The following SEPHS1 variants were observed in gnomAD, a reference collection of about 807,000 sequenced individuals.
SEPHS1 encodes zincore component SEPHS1.
Under a neutral mutation model 39.2 loss-of-function variants are expected in SEPHS1, and 7 were observed. The ratio of observed to expected loss-of-function variants is 0.18; its 90% CI spans 0.10 to 0.34. SEPHS1 has a LOEUF of 0.34. Ranked by LOEUF, SEPHS1 falls within the 10% of genes least tolerant of loss-of-function variation. The pLI, the probability that SEPHS1 is intolerant of heterozygous loss-of-function variation, is 1.00. For synonymous variants in SEPHS1, 190 were observed against 195.5 expected (o/e 0.97, Z 0.23); for missense variants, 253 against 514.5 (o/e 0.49, Z 4.92).
At chr10:13,328,906 A>T (rs562822361) in intron 6 of SEPHS1, among the ~76,000 whole-genome samples, 15 of 152,280 alleles carry the variant, frequency 9.9e-5, no homozygotes, top group Non-Finnish European at 1.5e-4. Context: ...CAGGGGGAGG[A>T]GGGAAAAACT....
chr10:13,347,669 C>T (rs998907194), intron 1 of SEPHS1, among the ~76,000 whole-genome samples: 1 of 146,698 alleles, frequency 6.8e-6, no homozygotes, highest in Non-Finnish European at 1.5e-5. Flanking sequence ...GCACGGGCCG[C>T]CGCCGCCGCC....
chr10:13,346,142 A>G (rs1299222583), intron 1 of SEPHS1, among the ~76,000 whole-genome samples: 1 of 152,240 alleles, frequency 6.6e-6, no homozygotes, highest in East Asian at 1.9e-4. Flanking sequence ...AAATTAAGCC[A>G]TACTAAATCA....
In SEPHS1 at chr10:13,325,933, AGAGACTCAGTCTC is replaced by A. The variant is rs373709328; in HGVS notation, c.751+2405_751+2417del. ...AAAAAAAAAAAAAAAAAAAAAAAAA[AGAGACTCAGTCTC>A]AAAAAAAAAAAAAAAAAATAATAAT... is the stretch of plus-strand genomic sequence containing the variant. On this transcript the variant is annotated intron_variant, in intron 7 of 8. Coordinates refer to ENST00000327347, the MANE Select transcript of SEPHS1 (RefSeq NM_012247.5). Among the ~76,000 whole-genome samples, 225 of 54,448 alleles carry A rather than the reference AGAGACTCAGTCTC, an allele frequency of 4.1e-3. 4 individuals carry two copies. The highest frequency in any genetic ancestry group is 0.021 in the African/African-American group (133 of 6,334). 35.7% of individuals were successfully genotyped at this position (54,448 alleles called of 152,430 possible). A position where few individuals can be genotyped will look rare whatever the true frequency, so the allele number is the denominator to read the frequency against.
chr10:13,343,611 C>T (rs1311571412), intron 2 of SEPHS1, among the ~76,000 whole-genome samples: 2 of 152,002 alleles, frequency 1.3e-5, no homozygotes, highest in African/African-American at 4.8e-5. Flanking sequence ...GTCAGGAGTT[C>T]GAGAACAGCC....
At chr10:13,331,784 A>T (rs181432966) in intron 5 of SEPHS1, among the ~76,000 whole-genome samples, 5 of 152,396 alleles carry the variant, frequency 3.3e-5, no homozygotes, top group African/African-American at 1.2e-4. Flanking sequence ...TAGTAAGCAC[A>T]TGAAAAGATG....
intron 5 of SEPHS1, among the ~76,000 whole-genome samples, chr10:13,332,989 C>T (rs934248566): frequency 6.6e-6 from 1 of 152,024 alleles, no homozygotes; most frequent in African/African-American, 2.4e-5. Flanking sequence ...CAGTGAGAGC[C>T]GAGGAGGATG....
In SEPHS1 at chr10:13,338,696, C is replaced by G; in HGVS notation, c.297+9G>C. The G allele has an allele frequency of 6.2e-7, 1 of 1,607,458 alleles. No individual in the cohort carries two copies. Among genetic ancestry groups the G allele is most frequent in the Non-Finnish European group, 8.5e-7 (1 of 1,173,930 alleles). On this transcript the variant is annotated intron_variant, in intron 3 of 8. Transcript: ENST00000327347. ...TTCCAGTCACAAAAACACATCGGCTCACGCTTACCATCATGTAAGGGTCGT... is the reference window on the plus strand; with the variant it reads ...TTCCAGTCACAAAAACACATCGGCTGACGCTTACCATCATGTAAGGGTCGT...
chr10:13,337,474 C>G (rs895444109), intron 3 of SEPHS1, among the ~76,000 whole-genome samples: 7 of 152,170 alleles, frequency 4.6e-5, no homozygotes, highest in African/African-American at 1.7e-4. Context: ...TAAGGATAAT[C>G]AAACTCCCAA....
At chr10:13,338,912 A>G (rs1445946724) in intron 2 of SEPHS1, 104 bp from the exon 3 acceptor site, 2 of 837,954 alleles carry the variant, frequency 2.4e-6, no homozygotes, top group Non-Finnish European at 2.1e-6. Flanking sequence ...ATACTTATGG[A>G]AACTGCAGGC....
chr10:13,319,124 C>T lies in SEPHS1; in HGVS notation c.*18G>A, dbSNP rs1343533954. On this transcript the variant is annotated 3_prime_UTR_variant, in exon 9 of 9. Transcript: ENST00000327347. ...AGATCTATTTAAAAACAAAACCAAA[C>T]AGCTATTTCTGTCTAGATTAAGAGG... 15 of 1,606,568 alleles carry T rather than the reference C, an allele frequency of 9.3e-6. No homozygotes were observed. The highest frequency in any genetic ancestry group is 1.3e-5 in the Non-Finnish European group (15 of 1,176,560).
chr10:13,346,663 C>T (rs530489043), intron 1 of SEPHS1, among the ~76,000 whole-genome samples: 1 of 151,864 alleles, frequency 6.6e-6, no homozygotes, highest in Non-Finnish European at 1.5e-5. Context: ...ACAAAAACAA[C>T]AAAGTCCTTT....
At chr10:13,322,342 C>T (rs899888800) in intron 8 of SEPHS1, among the ~76,000 whole-genome samples, 3 of 151,890 alleles carry the variant, frequency 2.0e-5, no homozygotes, top group African/African-American at 7.3e-5. Flanking sequence ...GATGGGGTTT[C>T]ACCATGTTGG....
chr10:13,331,507 G>A (rs963292515), intron 5 of SEPHS1, among the ~76,000 whole-genome samples: 1 of 152,046 alleles, frequency 6.6e-6, no homozygotes, highest in African/African-American at 2.4e-5. Flanking sequence ...TCAGTCTCCT[G>A]AGTAGCTGGG....
At chr10:13,327,092 G>T (rs1057442957) in intron 7 of SEPHS1, among the ~76,000 whole-genome samples, 1 of 151,632 alleles carries the variant, frequency 6.6e-6, no homozygotes, top group Non-Finnish European at 1.5e-5. Context: ...ACAAAAATCC[G>T]CCGGGCATGG....
chr10:13,328,488 G>T lies in SEPHS1; in HGVS notation c.652-38C>A, dbSNP rs1387758107. 2.2e-6 allele frequency: 3 copies of T among 1,393,356 alleles called. No individual in the cohort carries two copies. The South Asian group carries it at 3.6e-5, about 17-fold the overall frequency. The allele number at this position is 1,393,356 out of a possible 1,614,324, so 86.3% of individuals were successfully genotyped here. ...ATGTAGGTGAGGGAGAGAAAGAGAG[G>T]AAAATGTGATTAATCTTTACTTCTA... On this transcript the variant is annotated intron_variant, in intron 6 of 8. Transcript: ENST00000327347.
At chr10:13,332,912 T>C (rs1833514100) in intron 5 of SEPHS1, among the ~76,000 whole-genome samples, 1 of 151,480 alleles carries the variant, frequency 6.6e-6, no homozygotes, top group African/African-American at 2.4e-5. Flanking sequence ...TGCTACAAAA[T>C]AGATGACCCT....
intron 3 of SEPHS1, among the ~76,000 whole-genome samples, chr10:13,337,656 G>T (rs370815952): frequency 3.3e-5 from 5 of 152,164 alleles, no homozygotes; most frequent in East Asian, 1.9e-4. Context: ...CGCTAGTTAG[G>T]GGGGTGGTGA....
chr10:13,324,668 T>G (rs573888910), intron 7 of SEPHS1, among the ~76,000 whole-genome samples: 2 of 152,288 alleles, frequency 1.3e-5, no homozygotes, highest in African/African-American at 4.8e-5. Context: ...TGGAGTGAGG[T>G]GGTGCGATCA....
At chr10:13,323,737 TTC>T (rs956183254) in intron 7 of SEPHS1, among the ~76,000 whole-genome samples, 9 of 151,588 alleles carry the variant, frequency 5.9e-5, no homozygotes, top group Non-Finnish European at 8.8e-5. Flanking sequence ...ATTTTTAAAT[TTC>T]TTTCTTTTTT....
Sources: gnomAD v4.1 joint callset for allele counts (sites outside exome capture counted in the v4.1 genomes callset) on GRCh38, gnomAD v4.1.1 for gene constraint, MANE v1.5 for transcripts, NCBI Gene and HGNC (gene_info 2026-07-23, HGNC 2026-07-21) for gene names.